ZMAT4: variants seen among roughly 807,000 people sequenced by gnomAD.
ZMAT4 encodes zinc finger matrin-type protein 4.
In ZMAT4, 17 loss-of-function variants were observed where a neutral mutation model predicts 28.7. That is an observed-to-expected ratio of 0.59 (90% CI 0.41 to 0.89). The LOEUF is 0.89. ZMAT4 is among the 40% of genes least tolerant of loss of function. ZMAT4 has a pLI of 0.00. For missense variants in ZMAT4, 240 were observed against 283.8 expected (o/e 0.85, Z 1.11); for synonymous variants, 117 against 109.2 (o/e 1.07, Z -0.44).
chr8:40,578,687 G>A (rs1442744156), intron 6 of ZMAT4, among the ~76,000 whole-genome samples: 1 of 152,092 alleles, frequency 6.6e-6, no homozygotes, highest in African/African-American at 2.4e-5. Context: ...AGATAAAACA[G>A]GCATGTGAAA....
chr8:40,749,788 TA>T (rs1812382845), intron 3 of ZMAT4, among the ~76,000 whole-genome samples: 1 of 152,170 alleles, frequency 6.6e-6, no homozygotes, highest in Non-Finnish European at 1.5e-5. Context: ...GGTGACAAGA[TA>T]AAAAAGGTGC....
chr8:40,552,104 T>C (rs1803385593), intron 6 of ZMAT4, among the ~76,000 whole-genome samples: 1 of 152,180 alleles, frequency 6.6e-6, no homozygotes, highest in South Asian at 2.1e-4. Flanking sequence ...ACATGGTATG[T>C]CTTCAGGATT....
At chr8:40,537,195 T>A (rs1281851080) in intron 6 of ZMAT4, among the ~76,000 whole-genome samples, 3 of 152,176 alleles carry the variant, frequency 2.0e-5, no homozygotes, top group Non-Finnish European at 4.4e-5. Context: ...GGCAGGACTT[T>A]GGACCCTAAC....
At chr8:40,576,331 G>A (rs1563347423) in intron 6 of ZMAT4, among the ~76,000 whole-genome samples, 1 of 150,316 alleles carries the variant, frequency 6.7e-6, no homozygotes, top group South Asian at 2.1e-4. Context: ...TTCCCAAGTA[G>A]ATTAAACCCA....
intron 6 of ZMAT4, among the ~76,000 whole-genome samples, chr8:40,579,160 G>C (rs1325979577): frequency 6.6e-6 from 1 of 152,166 alleles, no homozygotes; most frequent in Non-Finnish European, 1.5e-5. Flanking sequence ...TATATGTACA[G>C]AATAGAGAAG....
chr8:40,693,055 T>C (rs896642828), intron 4 of ZMAT4, among the ~76,000 whole-genome samples: 1 of 152,152 alleles, frequency 6.6e-6, no homozygotes, highest in Non-Finnish European at 1.5e-5. Context: ...CAACTGTAAC[T>C]AGTTAAGCTA....
intron 3 of ZMAT4, among the ~76,000 whole-genome samples, chr8:40,702,259 A>T (rs1382001209): frequency 6.6e-6 from 1 of 152,198 alleles, no homozygotes; most frequent in African/African-American, 2.4e-5. Flanking sequence ...CATCACTTTC[A>T]TTAGAGTATC....
chr8:40,769,036 C>G (rs1226018220), intron 2 of ZMAT4, among the ~76,000 whole-genome samples: 3 of 152,170 alleles, frequency 2.0e-5, no homozygotes, highest in Admixed American at 1.3e-4. Context: ...TCATCACTTT[C>G]TTAATTCCTA....
intron 5 of ZMAT4, among the ~76,000 whole-genome samples, chr8:40,659,217 A>G (rs570330035): frequency 1.1e-3 from 172 of 152,094 alleles, no homozygotes; most frequent in Non-Finnish European, 1.9e-3. Flanking sequence ...AAAATATAAA[A>G]CTCCTAAGTG....
intron 1 of ZMAT4, among the ~76,000 whole-genome samples, chr8:40,836,089 T>C (rs1309193092): frequency 6.6e-6 from 1 of 152,216 alleles, no homozygotes; most frequent in Non-Finnish European, 1.5e-5. Context: ...CGTTAGAACT[T>C]CCTTTCAGAT....
chr8:40,589,864 C>T (rs1295882596), intron 5 of ZMAT4, among the ~76,000 whole-genome samples: 1 of 146,938 alleles, frequency 6.8e-6, no homozygotes, highest in African/African-American at 2.5e-5. Flanking sequence ...CTTCCTCTCT[C>T]TCCCGTCCTC....
At chr8:40,806,360 A>AT (rs1815085209) in intron 2 of ZMAT4, among the ~76,000 whole-genome samples, 1 of 152,082 alleles carries the variant, frequency 6.6e-6, no homozygotes, top group Non-Finnish European at 1.5e-5. Context: ...CAATGACTTT[A>AT]TTTCTTAATG....
intron 3 of ZMAT4, among the ~76,000 whole-genome samples, chr8:40,719,919 C>G (rs1053026600): frequency 2.0e-5 from 3 of 152,186 alleles, no homozygotes; most frequent in African/African-American, 7.2e-5. Flanking sequence ...GCAAAGGGCA[C>G]AGACCCCACA....
intron 1 of ZMAT4, among the ~76,000 whole-genome samples, chr8:40,827,935 A>AT (rs761058863): frequency 6.6e-6 from 1 of 152,106 alleles, no homozygotes; most frequent in Non-Finnish European, 1.5e-5. Flanking sequence ...ACCAGTCTCC[A>AT]TTTTTTCATG....
chr8:40,556,621 A>T (rs958790306), intron 6 of ZMAT4, among the ~76,000 whole-genome samples: 1 of 152,218 alleles, frequency 6.6e-6, no homozygotes, highest in African/African-American at 2.4e-5. Context: ...CTGTTCCTAG[A>T]TTTTTCCTTC....
chr8:40,760,153 T>C (rs951431359), intron 3 of ZMAT4, among the ~76,000 whole-genome samples: 1 of 152,160 alleles, frequency 6.6e-6, no homozygotes, highest in Non-Finnish European at 1.5e-5. Flanking sequence ...TGACTACATA[T>C]GCAGAGAAAC....
intron 2 of ZMAT4, among the ~76,000 whole-genome samples, chr8:40,810,566 G>C (rs1815276537): frequency 6.6e-6 from 1 of 152,104 alleles, no homozygotes; most frequent in African/African-American, 2.4e-5. Flanking sequence ...AATATTTAAA[G>C]GTAAGCTCCA....
intron 1 of ZMAT4, among the ~76,000 whole-genome samples, chr8:40,840,926 G>A (rs1475828808): frequency 4.6e-5 from 7 of 152,108 alleles, no homozygotes; most frequent in Admixed American, 4.6e-4. Context: ...TAAAAATATT[G>A]TTTCTTCCCA....
chr8:40,701,275 A>T (rs1475949249), intron 3 of ZMAT4, among the ~76,000 whole-genome samples: 1 of 152,170 alleles, frequency 6.6e-6, no homozygotes, highest in Admixed American at 6.5e-5. Flanking sequence ...TTATACAATA[A>T]TGTATCATGG....
Sources: allele counts gnomAD v4.1 joint callset (sites outside exome capture counted in the v4.1 genomes callset), GRCh38; gene constraint gnomAD v4.1.1; transcripts MANE v1.5; gene names NCBI Gene and HGNC (gene_info 2026-07-23, HGNC 2026-07-21).